NBEA: variants seen among roughly 807,000 people sequenced by gnomAD.
NBEA encodes the protein lysosomal-trafficking regulator 2.
In NBEA, 44 loss-of-function variants were observed where a neutral mutation model predicts 343.4. The observed-to-expected ratio is 0.13, with a 90% CI of 0.10 to 0.16. The LOEUF is 0.16. NBEA is among the 10% of genes least tolerant of loss of function. NBEA has a pLI of 1.00. For missense variants in NBEA, 2,555 were observed against 3,631.3 expected (o/e 0.70, Z 7.62); for synonymous variants, 1,175 against 1,238.7 (o/e 0.95, Z 1.08).
intron 1 of NBEA, among the ~76,000 whole-genome samples, chr13:35,005,898 C>G (rs2061301827): frequency 6.6e-6 from 1 of 152,160 alleles, no homozygotes; most frequent in Non-Finnish European, 1.5e-5. Context: ...TTACTTTGCA[C>G]ATTTTAAACT....
At chr13:35,210,194 A>C (rs1419079970) in intron 32 of NBEA, among the ~76,000 whole-genome samples, 1 of 151,942 alleles carries the variant, frequency 6.6e-6, no homozygotes, top group East Asian at 1.9e-4. Flanking sequence ...ATAATATGGA[A>C]AGTGATGGTA....
chr13:35,044,820 A>G (rs2062786870), intron 2 of NBEA, 127 bp from the exon 3 acceptor site: 4 of 467,410 alleles, frequency 8.6e-6, no homozygotes, highest in East Asian at 3.3e-5. Flanking sequence ...AGATACATAT[A>G]TATATATATA....
At chr13:35,530,000 A>C (rs150307358) in intron 41 of NBEA, among the ~76,000 whole-genome samples, 1 of 152,320 alleles carries the variant, frequency 6.6e-6, no homozygotes, top group Non-Finnish European at 1.5e-5. Flanking sequence ...TAAATTTCCA[A>C]TGTGATGTGG....
intron 17 of NBEA, among the ~76,000 whole-genome samples, chr13:35,125,431 A>G (rs554335057): frequency 2.0e-5 from 3 of 152,348 alleles, no homozygotes; most frequent in African/African-American, 7.2e-5. Context: ...ATATACATAT[A>G]TCATGCCTGA....
intron 45 of NBEA, among the ~76,000 whole-genome samples, chr13:35,574,382 A>G (rs1593261094): frequency 7.8e-6 from 1 of 127,592 alleles, no homozygotes; most frequent in Admixed American, 7.4e-5. Flanking sequence ...TACACTATCA[A>G]AAAAAAAGAA....
At chr13:35,457,754 A>G (rs945927530) in intron 40 of NBEA, among the ~76,000 whole-genome samples, 1 of 151,932 alleles carries the variant, frequency 6.6e-6, no homozygotes, top group African/African-American at 2.4e-5. Context: ...GACCACAGGC[A>G]CCCGCCACCA....
chr13:35,250,123 A>C (rs1404682020), intron 34 of NBEA, among the ~76,000 whole-genome samples: 1 of 152,148 alleles, frequency 6.6e-6, no homozygotes, highest in Non-Finnish European at 1.5e-5. Flanking sequence ...CAGTTTTGCA[A>C]GATGAAAAAC....
chr13:35,069,503 T>C (rs1425582788), intron 8 of NBEA, among the ~76,000 whole-genome samples: 1 of 152,164 alleles, frequency 6.6e-6, no homozygotes, highest in African/African-American at 2.4e-5. Context: ...CCTCAAATGA[T>C]AGTCATTTTT....
chr13:35,234,072 T>C (rs1414014156), intron 34 of NBEA, among the ~76,000 whole-genome samples: 2 of 152,142 alleles, frequency 1.3e-5, no homozygotes, highest in African/African-American at 4.8e-5. Context: ...TGGTATGATC[T>C]ACCAACAGCA....
intron 38 of NBEA, among the ~76,000 whole-genome samples, chr13:35,388,678 T>TCCAGTG (rs1474780805): frequency 2.0e-5 from 3 of 152,204 alleles, no homozygotes; most frequent in East Asian, 3.8e-4. Context: ...AAAGGTCATT[T>TCCAGTG]TCAGTGATTG....
chr13:35,520,354 A>G (rs1275636943), intron 41 of NBEA, among the ~76,000 whole-genome samples: 3 of 152,222 alleles, frequency 2.0e-5, no homozygotes, highest in Non-Finnish European at 2.9e-5. Context: ...TAGTATCACT[A>G]TAGTCACCAT....
At chr13:35,065,100 C>T (rs141066852) in intron 8 of NBEA, among the ~76,000 whole-genome samples, 187 of 151,322 alleles carry the variant, frequency 1.2e-3, no homozygotes, top group Admixed American at 2.2e-3. Flanking sequence ...TGATGTGTTT[C>T]GGCTGTGTTT....
intron 38 of NBEA, among the ~76,000 whole-genome samples, chr13:35,377,601 T>A (rs1278665857): frequency 6.6e-6 from 1 of 152,218 alleles, no homozygotes; most frequent in Non-Finnish European, 1.5e-5. Context: ...CCTGTTCCAT[T>A]GAATAAGCCT....
At chr13:35,101,318 C>A (rs540463159) in intron 11 of NBEA, among the ~76,000 whole-genome samples, 1 of 151,968 alleles carries the variant, frequency 6.6e-6, no homozygotes, top group South Asian at 2.1e-4. Context: ...TTTAAGAGTT[C>A]CATTTTTTCC....
At chr13:35,356,485 T>A (rs2040497009) in intron 38 of NBEA, among the ~76,000 whole-genome samples, 1 of 152,194 alleles carries the variant, frequency 6.6e-6, no homozygotes, top group South Asian at 2.1e-4. Context: ...TGCTTTCAAC[T>A]TGTAAATGCA....
chr13:35,121,950 C>T (rs930229355), intron 16 of NBEA, among the ~76,000 whole-genome samples: 5 of 152,060 alleles, frequency 3.3e-5, no homozygotes. Flanking sequence ...CCTAAAGAAC[C>T]TTCTTGTATT....
chr13:35,287,064 G>C (rs1016537869), intron 34 of NBEA, among the ~76,000 whole-genome samples: 4 of 151,864 alleles, frequency 2.6e-5, no homozygotes, highest in African/African-American at 9.7e-5. Context: ...CTTAATGGAC[G>C]GTTTCCTTAC....
At chr13:35,275,930 A>G (rs1046406664) in intron 34 of NBEA, among the ~76,000 whole-genome samples, 3 of 152,224 alleles carry the variant, frequency 2.0e-5, no homozygotes, top group Non-Finnish European at 4.4e-5. Flanking sequence ...CAGCAAACCA[A>G]CATGGCACGT....
chr13:35,403,259 TAAC>T (rs2043081967), intron 38 of NBEA, among the ~76,000 whole-genome samples: 1 of 152,056 alleles, frequency 6.6e-6, no homozygotes, highest in Admixed American at 6.6e-5. Flanking sequence ...ATATGATTAA[TAAC>T]AAATATTAAT....
Sources: gnomAD v4.1 joint callset for allele counts (sites outside exome capture counted in the v4.1 genomes callset) on GRCh38, gnomAD v4.1.1 for gene constraint, MANE v1.5 for transcripts, NCBI Gene and HGNC (gene_info 2026-07-23, HGNC 2026-07-21) for gene names.